Variants in EPHA6 observed in about 807,000 individuals in gnomAD.
The protein encoded by EPHA6 is ephrin type-A receptor 6.
Under a neutral mutation model 112.0 loss-of-function variants are expected in EPHA6, and 50 were observed. The ratio of observed to expected loss-of-function variants is 0.45; its 90% CI spans 0.36 to 0.56. EPHA6 has a LOEUF of 0.56. EPHA6 is among the 20% of genes least tolerant of loss of function. The pLI is 0.00. For missense variants in EPHA6, 1,280 were observed against 1,417.4 expected, an observed-to-expected ratio of 0.90 and a Z score of 1.56; for synonymous variants, 529 against 490.7, an observed-to-expected ratio of 1.08 and a Z score of -1.03.
intron 14 of EPHA6, among the ~76,000 whole-genome samples, chr3:97,654,275 TA>T (rs2094124564): frequency 6.6e-6 from 1 of 151,888 alleles, no homozygotes; most frequent in East Asian, 1.9e-4. Flanking sequence ...TCATATTCAG[TA>T]AAGCTGAAAA....
At chr3:97,747,360 G>A in intron 16 of EPHA6, 63 bp from the exon 17 acceptor site, 1 of 1,339,334 alleles carries the variant, frequency 7.5e-7, no homozygotes, top group Admixed American at 3.3e-5. Context: ...AAAGTTCCGT[G>A]ATTTGTGCTT....
At chr3:96,893,676 T>G (rs2107548346) in intron 2 of EPHA6, among the ~76,000 whole-genome samples, 1 of 152,310 alleles carries the variant, frequency 6.6e-6, no homozygotes, top group South Asian at 2.1e-4. Flanking sequence ...GAGAAGGGCC[T>G]GTATCAGATA....
chr3:97,185,429 A>T (rs991274849), intron 3 of EPHA6, among the ~76,000 whole-genome samples: 1 of 152,184 alleles, frequency 6.6e-6, no homozygotes, highest in African/African-American at 2.4e-5. Context: ...ACTTCTCAAA[A>T]GAAGACATTT....
At chr3:97,143,667 A>G (rs1456537484) in intron 3 of EPHA6, among the ~76,000 whole-genome samples, 2 of 151,798 alleles carry the variant, frequency 1.3e-5, no homozygotes, top group Admixed American at 1.3e-4. Context: ...ATCAAGAAGC[A>G]ATATATAGTA....
intron 2 of EPHA6, among the ~76,000 whole-genome samples, chr3:96,872,394 G>A (rs1200673327): frequency 1.3e-5 from 2 of 152,006 alleles, no homozygotes; most frequent in Non-Finnish European, 1.5e-5. Context: ...TATGGAGGGT[G>A]GCTTCCAAAG....
At chr3:97,305,303 T>G (rs2081269987) in intron 5 of EPHA6, among the ~76,000 whole-genome samples, 1 of 151,334 alleles carries the variant, frequency 6.6e-6, no homozygotes, top group African/African-American at 2.4e-5. Flanking sequence ...AGTTCAACTA[T>G]TGTGGCAATT....
chr3:96,999,290 T>G (rs2043541376), intron 3 of EPHA6, among the ~76,000 whole-genome samples: 1 of 151,912 alleles, frequency 6.6e-6, no homozygotes, highest in Non-Finnish European at 1.5e-5. Flanking sequence ...TAGAGAAAAT[T>G]TAAGGGGCCT....
At chr3:97,542,252 C>T (rs2092869851) in intron 11 of EPHA6, among the ~76,000 whole-genome samples, 1 of 152,078 alleles carries the variant, frequency 6.6e-6, no homozygotes, top group Admixed American at 6.6e-5. Context: ...CTCCCCGCAC[C>T]CCACTACAGT....
chr3:97,592,655 C>G lies in EPHA6; in HGVS notation c.2430C>G (p.Phe810Leu). The G allele has an allele frequency of 6.2e-7, 1 of 1,613,644 alleles. No individual in the cohort carries two copies. The highest frequency in any genetic ancestry group is 8.5e-7 in the Non-Finnish European group (1 of 1,179,770). ...GGGTGGAGGCGTTTTGCCCCAGCTT[C>G]CTGAGGGCAGGGTTTTTAAATAGCA... ...AIGVEAFCPS[F>L]LRAGFLNSIQ... The change falls in exon 12 of 18, where the codon TTC (phenylalanine) becomes TTG (leucine). Residue 810 changes from phenylalanine to leucine, a missense_variant. Phe to Leu is a conservative substitution (Grantham distance 22). This residue lies in a region of EPHA6 where 878 missense variants were observed against 999.7 expected (regional missense o/e 0.88). Coordinates refer to ENST00000389672, the MANE Select transcript of EPHA6 (RefSeq NM_001080448.3).
At chr3:96,964,806 T>C (rs552390811) in intron 2 of EPHA6, among the ~76,000 whole-genome samples, 1 of 152,326 alleles carries the variant, frequency 6.6e-6, no homozygotes, top group Non-Finnish European at 1.5e-5. Flanking sequence ...AGTATATGCA[T>C]ACTCAAGTGC....
intron 11 of EPHA6, among the ~76,000 whole-genome samples, chr3:97,540,445 A>C (rs1204534076): frequency 6.6e-6 from 1 of 152,222 alleles, no homozygotes; most frequent in Non-Finnish European, 1.5e-5. Flanking sequence ...CTTCCAGAGC[A>C]CACTTCCCTT....
intron 5 of EPHA6, among the ~76,000 whole-genome samples, chr3:97,376,335 G>A (rs2085351746): frequency 6.6e-6 from 1 of 152,052 alleles, no homozygotes; most frequent in Admixed American, 6.6e-5. Flanking sequence ...CCTATATGTG[G>A]AAGTATTAAA....
chr3:97,542,057 G>A (rs1284299112), intron 11 of EPHA6, among the ~76,000 whole-genome samples: 3 of 151,376 alleles, frequency 2.0e-5, no homozygotes, highest in Non-Finnish European at 4.4e-5. Context: ...GATGTAGACT[G>A]GGAGGCTAGG....
chr3:96,954,810 G>A (rs1162236847), intron 2 of EPHA6, among the ~76,000 whole-genome samples: 2 of 109,794 alleles, frequency 1.8e-5, no homozygotes, highest in African/African-American at 8.0e-5. Flanking sequence ...TTTTTGAGAC[G>A]GAGTCTCGCT....
chr3:97,331,022 A>G (rs2082772332), intron 5 of EPHA6, among the ~76,000 whole-genome samples: 1 of 152,196 alleles, frequency 6.6e-6, no homozygotes, highest in South Asian at 2.1e-4. Context: ...CAAATGTAAG[A>G]GAACAGAAAT....
At chr3:97,535,702 A>T (rs1166675292) in intron 11 of EPHA6, among the ~76,000 whole-genome samples, 1 of 152,178 alleles carries the variant, frequency 6.6e-6, no homozygotes, top group African/African-American at 2.4e-5. Context: ...TGATCAAGAT[A>T]AAGATGCAGT....
chr3:97,074,977 T>C (rs181032956), intron 3 of EPHA6, among the ~76,000 whole-genome samples: 1 of 152,004 alleles, frequency 6.6e-6, no homozygotes, highest in Non-Finnish European at 1.5e-5. Context: ...TACCGTGTTA[T>C]CAGAACTAGT....
At chr3:97,420,246 C>G (rs147154235) in intron 6 of EPHA6, among the ~76,000 whole-genome samples, 2 of 151,094 alleles carry the variant, frequency 1.3e-5, no homozygotes, top group African/African-American at 2.4e-5. Context: ...CTCTGTGAAC[C>G]CTTTGATACA....
At chr3:97,227,274 G>A (rs1443893489) in intron 4 of EPHA6, among the ~76,000 whole-genome samples, 4 of 151,042 alleles carry the variant, frequency 2.6e-5, no homozygotes, top group Non-Finnish European at 5.9e-5. Flanking sequence ...AGGCTGGAGT[G>A]CAGTGGCATG....
Sources: gnomAD v4.1 joint callset for allele counts (sites outside exome capture counted in the v4.1 genomes callset) on GRCh38, gnomAD v4.1.1 for gene constraint, gnomAD v4.1.1 regional missense constraint, MANE v1.5 for transcripts, NCBI Gene and HGNC (gene_info 2026-07-23, HGNC 2026-07-21) for gene names.